Variants in RELA observed in about 807,000 individuals in gnomAD.
RELA encodes RELA proto-oncogene, NF-kB subunit.
RELA carries 14 observed loss-of-function variants against 56.7 expected under a neutral mutation model. That is an observed-to-expected ratio of 0.25 (90% CI 0.16 to 0.39). The LOEUF (loss-of-function observed/expected upper bound fraction) is 0.39. Among genes scored for constraint, RELA ranks in the 10% least tolerant of loss-of-function variants. RELA has a pLI of 1.00. For synonymous variants in RELA, 315 were observed against 289.7 expected (o/e 1.09, Z -0.89); for missense variants, 559 against 736.4 (o/e 0.76, Z 2.79).
upstream of RELA, chr11:65,662,991 G>T (rs1856614431): frequency 9.0e-6 from 4 of 446,384 alleles, no homozygotes; most frequent in African/African-American, 2.1e-5. Flanking sequence ...GCCGCCCGGC[G>T]CAGGGGCCGG....
In RELA at chr11:65,658,284, T is replaced by C; in HGVS notation, c.877+3A>G. On this transcript the variant is annotated splice_donor_region_variant and intron_variant, in intron 8 of 10. Coordinates refer to ENST00000406246, the MANE Select transcript of RELA (RefSeq NM_021975.4). This position sits in a 1 kb window ranked among gnomAD's most constrained non-coding sequence, Gnocchi z 4.5. ...CCCTGATGCTGCCACCCCAGCTGTG[T>C]ACCTGTATCTGGCAGGTACTGGAAT... 1 of 1,585,784 alleles carries C rather than the reference T, an allele frequency of 6.3e-7. No homozygotes were observed. Among genetic ancestry groups the C allele is most frequent in the Non-Finnish European group, 8.6e-7 (1 of 1,166,570 alleles).
chr11:65,656,762 C>T (rs1376126703), intron 8 of RELA, among the ~76,000 whole-genome samples: 1 of 152,182 alleles, frequency 6.6e-6, no homozygotes, highest in Non-Finnish European at 1.5e-5. Context: ...TGGTGGCTCA[C>T]GCCTGTAATC....
At chr11:65,661,659 T>C (rs1293347027) in intron 4 of RELA, 28 bp downstream of exon 4, 1 of 1,543,548 alleles carries the variant, frequency 6.5e-7, no homozygotes, top group Admixed American at 2.0e-5. Flanking sequence ...CCCCTCATGC[T>C]GGGCCTCCTA....
intron 5 of RELA, 66 bp from the exon 6 acceptor site, chr11:65,659,863 A>T: frequency 1.3e-6 from 2 of 1,547,436 alleles, no homozygotes; most frequent in Non-Finnish European, 1.7e-6. Flanking sequence ...CAGTGGGGGC[A>T]GGGAGCTCTG....
At chr11:65,659,195 C>T (rs950733103) in intron 6 of RELA, among the ~76,000 whole-genome samples, 1 of 152,210 alleles carries the variant, frequency 6.6e-6, no homozygotes, top group Non-Finnish European at 1.5e-5. Context: ...TCCTGACCCC[C>T]AGTTTATCCT....
intron 10 of RELA, chr11:65,655,352 G>A (rs532273607): frequency 1.7e-6 from 1 of 574,934 alleles, no homozygotes; most frequent in Non-Finnish European, 3.1e-6. Flanking sequence ...GGCCTGAAGT[G>A]CAGAGCTTGT....
At chr11:65,656,164 CG>C (rs896070205) in intron 8 of RELA, among the ~76,000 whole-genome samples, 1 of 152,120 alleles carries the variant, frequency 6.6e-6, no homozygotes, top group African/African-American at 2.4e-5. Flanking sequence ...ATGGTGAGGC[CG>C]AGTACAGGGG....
chr11:65,661,985 G>A lies in RELA; in HGVS notation c.138C>T (p.Ile46=). The A allele has an allele frequency of 6.2e-7, 1 of 1,613,890 alleles. No individual in the cohort carries two copies. The highest frequency in any genetic ancestry group is 8.5e-7 in the Non-Finnish European group (1 of 1,180,004). ...YKCEGRSAGS[I]PGERSTDTTK... ...TGGTATCTGTGCTCCTCTCGCCTGG[G>A]ATGCTGCCCGCGGAGCGCCCCTCGC... Residue 46 remains isoleucine, a synonymous_variant, in exon 3 of 11, where the codon ATC becomes ATT. Transcript: ENST00000406246.
Position 65,654,842 on chromosome 11 carries a change from C to T in RELA, c.1192G>A (p.Ala398Thr). ...PQAPAPAPAP[A>T]MVSALAQAPA... ...GCCTGGGCCAGAGCTGATACCATGG[C>T]TGGAGCAGGGGCAGGGGCTGGAGCC... The change falls in exon 11 of 11, where the codon GCC (alanine) becomes ACC (threonine). Residue 398 changes from alanine to threonine, a missense_variant. By Grantham distance (58) the Ala-to-Thr change is moderately conservative. This residue lies in a region of RELA where 365 missense variants were observed against 387.5 expected (regional missense o/e 0.94). Transcript: ENST00000406246. 1 of 1,556,258 alleles carries T rather than the reference C, an allele frequency of 6.4e-7. No individual in the cohort carries two copies. Among genetic ancestry groups the T allele is most frequent in the Non-Finnish European group, 8.7e-7 (1 of 1,147,728 alleles).
intron 8 of RELA, 99 bp from the exon 9 acceptor site, chr11:65,656,034 C>G: frequency 1.0e-6 from 1 of 980,500 alleles, no homozygotes; most frequent in Non-Finnish European, 1.6e-6. Context: ...CCAGGCTTTC[C>G]CAAGACCCAT....
In RELA at chr11:65,660,196, G is replaced by C; in HGVS notation, c.355C>G (p.Gln119Glu). ...CIHSFQNLGI[Q>E]CVKKRDLEQA... The stretch of plus-strand genomic sequence containing the variant: ...TCCAGGTCCCGCTTCTTCACACACT[G>C]GATTCCCAGGTTCTGGAAACTGAGC... The change falls in exon 5 of 11, where the codon CAG (glutamine) becomes GAG (glutamate). Residue 119 changes from glutamine to glutamate, a missense_variant. By Grantham distance (29) the Gln-to-Glu change is conservative (BLOSUM62 2). Transcript: ENST00000406246. 1 of 1,614,096 alleles carries C rather than the reference G, an allele frequency of 6.2e-7. No homozygotes were observed. Among genetic ancestry groups the C allele is most frequent in the Non-Finnish European group, 8.5e-7 (1 of 1,180,016 alleles).
chr11:65,655,552 G>T, intron 10 of RELA, 136 bp downstream of exon 10: 1 of 813,608 alleles, frequency 1.2e-6, no homozygotes, highest in Non-Finnish European at 2.0e-6. Context: ...CCAGGAAGTC[G>T]CTGGTTCCTG....
intron 10 of RELA, 69 bp downstream of exon 10, chr11:65,655,619 C>T: frequency 6.8e-7 from 1 of 1,479,322 alleles, no homozygotes; most frequent in South Asian, 1.2e-5. Context: ...CAGGAGTCTT[C>T]ATCTCCACTG....
At chr11:65,660,945 A>C (rs1856548562) in intron 4 of RELA, among the ~76,000 whole-genome samples, 1 of 150,958 alleles carries the variant, frequency 6.6e-6, no homozygotes, top group African/African-American at 2.4e-5. Context: ...AAGCTGAGGC[A>C]GGAGAATGGC....
rs771606332 is a variant in RELA at position 65,654,372 on chromosome 11, A to C, written c.*6T>G. ...CAGTGCTCTGGGGAGGGCAGGCGTC[A>C]CCCCCTTAGGAGCTGATCTGACTCA... On this transcript the variant is annotated 3_prime_UTR_variant, in exon 11 of 11. Coordinates refer to ENST00000406246, the MANE Select transcript of RELA (RefSeq NM_021975.4). The C allele has an allele frequency of 6.2e-7, 1 of 1,613,546 alleles. No homozygotes were observed. Among genetic ancestry groups the C allele is most frequent in the South Asian group, 1.1e-5 (1 of 90,970 alleles).
At chr11:65,655,408 G>A (rs1856398139) in intron 10 of RELA, 1 of 586,712 alleles carries the variant, frequency 1.7e-6, no homozygotes, top group South Asian at 2.1e-5. Context: ...CTAATTTAGA[G>A]GTGATTTTTG....
upstream of RELA, among the ~76,000 whole-genome samples, chr11:65,663,401 A>C (rs2135578179): frequency 6.6e-6 from 1 of 152,270 alleles, no homozygotes; most frequent in East Asian, 1.9e-4. Context: ...GAAGCACGTT[A>C]AAATGTCCTA....
Position 65,658,463 on chromosome 11 carries a change from T to C in RELA, c.701A>G (p.Glu234Gly), listed in dbSNP as rs1363382539. The change falls in exon 8 of 11, where the codon GAG becomes GGG. Residue 234 changes from glutamate to glycine, a missense_variant. By Grantham distance (98) the Glu-to-Gly change is moderately conservative. Around this residue, in one of 4 missense-constraint regions of RELA, gnomAD observed 149 missense variants for 256.0 expected, o/e 0.58. Coordinates refer to ENST00000406246, the MANE Select transcript of RELA (RefSeq NM_021975.4). The surrounding 1 kb of genome is among the most constrained non-coding windows in gnomAD (Gnocchi z 4.5). Reference sequence around the variant, plus strand: ...AGCTTGCGAAAAGGAGCCTCGGGCCTCCCAGCCTGGTCCCGTGAAATACAC... The same window carrying C: ...AGCTTGCGAAAAGGAGCCTCGGGCCCCCCAGCCTGGTCCCGTGAAATACAC... ...IEVYFTGPGW[E>G]ARGSFSQADV... 1.9e-6 allele frequency: 3 copies of C among 1,611,968 alleles called. No homozygotes were observed. The highest frequency in any genetic ancestry group is 1.3e-5 in the African/African-American group (1 of 74,860).
At chr11:65,655,618 T>C in intron 10 of RELA, 70 bp downstream of exon 10, 1 of 1,473,646 alleles carries the variant, frequency 6.8e-7, no homozygotes, top group Non-Finnish European at 9.4e-7. Flanking sequence ...CCAGGAGTCT[T>C]CATCTCCACT....
Sources: gnomAD v4.1 joint callset for allele counts (sites outside exome capture counted in the v4.1 genomes callset) on GRCh38, gnomAD v4.1.1 for gene constraint, gnomAD v4.1.1 regional missense constraint, Gnocchi (gnomAD v3.1) non-coding constraint, MANE v1.5 for transcripts, NCBI Gene and HGNC (gene_info 2026-07-23, HGNC 2026-07-21) for gene names.